The following TTC23L variants were observed in gnomAD, a reference collection of about 807,000 sequenced individuals.
TTC23L encodes the protein tetratricopeptide repeat protein 23-like.
In TTC23L, 42 loss-of-function variants were observed where a neutral mutation model predicts 48.1. That is an observed-to-expected ratio of 0.87 (90% CI 0.68 to 1.13). The LOEUF is 1.13. TTC23L is among the 50% of genes most tolerant of loss of function. The probability of loss-of-function intolerance (pLI) is 0.00; values close to 1 mark genes in which losing one functional copy is unlikely to be tolerated. For missense variants in TTC23L, 391 were observed against 421.0 expected (o/e 0.93, Z 0.62); for synonymous variants, 159 against 157.2 (o/e 1.01, Z -0.09).
At chr5:34,905,671 G>A in the TTC23L span, 1 of 152,028 alleles carries the variant, frequency 6.6e-6, no homozygotes, top group East Asian at 1.9e-4. Flanking sequence ...AGAACTAAAA[G>A]TCTTTAAATA....
the TTC23L span, chr5:34,913,809 C>T: frequency 1.9e-6 from 1 of 528,426 alleles, no homozygotes; most frequent in Non-Finnish European, 3.5e-6. Flanking sequence ...GTTTTTGTGC[C>T]TATCACTACT....
chr5:34,909,908 T>C, the TTC23L span, among the ~76,000 whole-genome samples: 7 of 152,358 alleles, frequency 4.6e-5, no homozygotes, highest in Admixed American at 3.9e-4. Flanking sequence ...TTGCTAAGTA[T>C]TATATGAGCA....
chr5:34,918,963 C>T, the TTC23L span: 1 of 151,382 alleles, frequency 6.6e-6, no homozygotes, highest in African/African-American at 2.4e-5. Context: ...CAGGCAAGAA[C>T]AGTATGGCCG....
At chr5:34,878,586 C>T (rs1762014394) in intron 8 of TTC23L, among the ~76,000 whole-genome samples, 1 of 152,082 alleles carries the variant, frequency 6.6e-6, no homozygotes, top group Admixed American at 6.6e-5. Context: ...CTAACACTAC[C>T]CAACTTCAAG....
the TTC23L span, among the ~76,000 whole-genome samples, chr5:34,916,926 A>G: frequency 2.0e-5 from 3 of 152,154 alleles, no homozygotes; most frequent in African/African-American, 7.2e-5. Context: ...GTACACTTCC[A>G]GTAAATGTTA....
At chr5:34,840,826 C>T in intron 2 of TTC23L, 87 bp downstream of exon 2, 1 of 1,260,132 alleles carries the variant, frequency 7.9e-7, no homozygotes, top group Non-Finnish European at 1.2e-6. Flanking sequence ...GGGTGAGGAG[C>T]TTTGCATGAG....
At chr5:34,924,298 C>T in the TTC23L span, among the ~76,000 whole-genome samples, 1 of 152,222 alleles carries the variant, frequency 6.6e-6, no homozygotes, top group Non-Finnish European at 1.5e-5. Flanking sequence ...GGATACCTGG[C>T]ATGTGAGTTG....
At chr5:34,884,779 T>C (rs1031326975) in intron 9 of TTC23L, among the ~76,000 whole-genome samples, 5 of 152,196 alleles carry the variant, frequency 3.3e-5, no homozygotes, top group Non-Finnish European at 4.4e-5. Flanking sequence ...ACAAATTATA[T>C]GCATGCTTTC....
intron 8 of TTC23L, among the ~76,000 whole-genome samples, chr5:34,874,506 A>G (rs913035094): frequency 6.6e-6 from 1 of 152,144 alleles, no homozygotes; most frequent in Non-Finnish European, 1.5e-5. Flanking sequence ...AGAGTTTTTT[A>G]AAAAAGTGTA....
intron 2 of TTC23L, among the ~76,000 whole-genome samples, chr5:34,844,559 ATTTTC>A (rs1758960735): frequency 6.6e-6 from 1 of 151,412 alleles, no homozygotes; most frequent in African/African-American, 2.4e-5. Flanking sequence ...GCTTTTCTGA[ATTTTC>A]TTTTTATTTA....
At chr5:34,907,045 C>G in the TTC23L span, 2 of 152,174 alleles carry the variant, frequency 1.3e-5, no homozygotes, top group African/African-American at 4.8e-5. Flanking sequence ...GAGATTGAGA[C>G]ACTTACTAGT....
the TTC23L span, among the ~76,000 whole-genome samples, chr5:34,923,591 T>C: frequency 6.6e-6 from 1 of 152,072 alleles, no homozygotes; most frequent in African/African-American, 2.4e-5. Flanking sequence ...TTTTTTTTTT[T>C]AGAGATAGAG....
chr5:34,909,155 C>G, the TTC23L span: 17 of 998,272 alleles, frequency 1.7e-5, no homozygotes, highest in Middle Eastern at 4.4e-4. Flanking sequence ...TTATAAAATG[C>G]TGTGCATTTT....
the TTC23L span, among the ~76,000 whole-genome samples, chr5:34,904,682 A>G: frequency 3.3e-5 from 5 of 152,184 alleles, no homozygotes; most frequent in Admixed American, 6.5e-5. Context: ...CCACTGCATT[A>G]AAGGTCCACT....
intron 8 of TTC23L, among the ~76,000 whole-genome samples, chr5:34,874,262 C>T (rs145427929): frequency 9.9e-5 from 15 of 152,168 alleles, no homozygotes; most frequent in East Asian, 1.9e-4. Flanking sequence ...GAAAATGATA[C>T]AGAAATTCAT....
intron 9 of TTC23L, among the ~76,000 whole-genome samples, chr5:34,896,170 C>A (rs1293006951): frequency 6.6e-6 from 1 of 152,182 alleles, no homozygotes; most frequent in Non-Finnish European, 1.5e-5. Flanking sequence ...CCACAGTGAG[C>A]CAGCTCAGTG....
chr5:34,925,207 CTTTTTT>C, the TTC23L span: 1 of 1,357,574 alleles, frequency 7.4e-7, no homozygotes, highest in Non-Finnish European at 9.8e-7. Flanking sequence ...AGCATCTAAT[CTTTTTT>C]TTTTTTTTTT....
At chr5:34,842,399 TG>T (rs1384465583) in intron 2 of TTC23L, among the ~76,000 whole-genome samples, 1 of 151,944 alleles carries the variant, frequency 6.6e-6, no homozygotes, top group East Asian at 1.9e-4. Flanking sequence ...TGTTGCTGTT[TG>T]GGGGGCCCCT....
chr5:34,871,642 A>G (rs1256082895), intron 8 of TTC23L, among the ~76,000 whole-genome samples: 1 of 152,222 alleles, frequency 6.6e-6, no homozygotes, highest in Admixed American at 6.5e-5. Context: ...ACTTGATTTT[A>G]AGATTTACTA....
Sources: gnomAD v4.1 joint callset for allele counts (sites outside exome capture counted in the v4.1 genomes callset) on GRCh38, gnomAD v4.1.1 for gene constraint, MANE v1.5 for transcripts, NCBI Gene and HGNC (gene_info 2026-07-23, HGNC 2026-07-21) for gene names.